Variants in PIRT observed in about 807,000 individuals in gnomAD.
PIRT encodes the protein phosphoinositide interacting regulator of transient receptor potential channels.
Under a neutral mutation model 7.9 loss-of-function variants are expected in PIRT, and 6 were observed. That is an observed-to-expected ratio of 0.76 (90% confidence interval 0.42 to 1.51). The LOEUF (loss-of-function observed/expected upper bound fraction) is 1.51. Among genes scored for constraint, PIRT ranks in the 40% most tolerant of loss-of-function variants. The pLI, the probability that PIRT is intolerant of heterozygous loss-of-function variation, is 0.01. For synonymous variants in PIRT, 78 were observed against 71.8 expected (o/e 1.09, Z -0.44); for missense variants, 170 against 172.9 (o/e 0.98, Z 0.09).
At chr17:10,826,178 G>A (rs1342474591) in intron 1 of PIRT, among the ~76,000 whole-genome samples, 2 of 152,134 alleles carry the variant, frequency 1.3e-5, no homozygotes, top group African/African-American at 4.8e-5. Flanking sequence ...TGGCCAGGCT[G>A]GTCTCGAACT....
rs559169184 is a variant in PIRT at position 10,828,339 on chromosome 17, A to G, written c.-138-2556T>C. ...GCTTCTGCTCTTTCTGCCTCTTCAG[A>G]TGAAGAAGGAGACCTTGGCCTCTGG... is the stretch of plus-strand genomic sequence containing the variant. On this transcript the variant is annotated intron_variant, in intron 1 of 1. Transcript: ENST00000580256. Among the ~76,000 whole-genome samples the G allele has an allele frequency of 1.1e-4, 17 of 152,208 alleles. No homozygotes were observed. The East Asian group carries it at 2.7e-3, about 24-fold the overall frequency.
rs35507812 is a variant in PIRT, at chr17:10,834,684, C to T, written c.-139+3261G>A. On this transcript the variant is annotated intron_variant, in intron 1 of 1. Transcript: ENST00000580256. ...TCAGCTCACAGCAACCTCTGCCTCC[C>T]GGGTTCACGCCATTCTCCTGCCTCA... Among the ~76,000 whole-genome samples the T allele has an allele frequency of 6.4e-3, 977 of 152,202 alleles. 16 individuals are homozygous for T. The highest frequency in any genetic ancestry group is 0.023 in the African/African-American group (956 of 41,538).
At chr17:10,828,764 A>G (rs1905393027) in intron 1 of PIRT, among the ~76,000 whole-genome samples, 1 of 152,312 alleles carries the variant, frequency 6.6e-6, no homozygotes. Context: ...CTCAGGCCTG[A>G]ACTTTTCTGA....
Position 10,835,136 on chromosome 17 carries a change from G to A in PIRT, c.-139+2809C>T, listed in dbSNP as rs371422139. 5.9e-5 allele frequency among the ~76,000 whole-genome samples: 9 copies of A among 152,276 alleles called. No homozygotes were observed. In the East Asian group the frequency reaches 7.7e-4, roughly 13 times the overall value. ...TTTGGCCTAAGTGACCGCTCACCTC[G>A]CCAAGGCAGGCTTCCTTCTGCTGGC... On this transcript the variant is annotated intron_variant, in intron 1 of 1. Transcript: ENST00000580256.
chr17:10,835,575 G>C (rs1905568363), intron 1 of PIRT, among the ~76,000 whole-genome samples: 1 of 152,244 alleles, frequency 6.6e-6, no homozygotes, highest in Non-Finnish European at 1.5e-5. Flanking sequence ...AGCAAGTGGG[G>C]AGGATGCCCA....
rs1905274878 is a variant in PIRT at position 10,824,859 on chromosome 17, T to C, written c.*373A>G. On this transcript the variant is annotated 3_prime_UTR_variant, in exon 2 of 2. Coordinates refer to ENST00000580256, the MANE Select transcript of PIRT (RefSeq NM_001101387.2). Reference sequence around the variant, plus strand: ...CAAATGAAGAATCCAGCTCTGGCACTCAGATATGTAAACATGAGGTTCTCC... The same window carrying C: ...CAAATGAAGAATCCAGCTCTGGCACCCAGATATGTAAACATGAGGTTCTCC... The C allele has an allele frequency of 4.7e-6, 1 of 213,378 alleles. No homozygotes were observed. Among genetic ancestry groups the C allele is most frequent in the Non-Finnish European group, 9.4e-6 (1 of 106,540 alleles). The allele number at this position is 213,378 out of a possible 1,614,324, so 13.2% of individuals were successfully genotyped here.
At chr17:10,835,739 A>C (rs1431022603) in intron 1 of PIRT, among the ~76,000 whole-genome samples, 2 of 152,208 alleles carry the variant, frequency 1.3e-5, no homozygotes, top group Non-Finnish European at 2.9e-5. Context: ...CCTTAAAGTC[A>C]CCACTGTCAC....
chr17:10,825,948 A>G (rs915474381), intron 1 of PIRT, among the ~76,000 whole-genome samples, 165 bp from the exon 2 acceptor site: 4 of 152,020 alleles, frequency 2.6e-5, no homozygotes, highest in African/African-American at 9.7e-5. Context: ...CAAACAAGTT[A>G]TAGTTTTTTG....
rs762789897 is a variant in PIRT, at chr17:10,825,403, C to T, written c.243G>A (p.Leu81=). The change falls in exon 2 of 2, where the codon CTG becomes CTA. Residue 81 remains leucine, a synonymous_variant. Transcript: ENST00000580256. The stretch of plus-strand genomic sequence containing the variant: ...TGAGGATGGAGAGACTCTTGTCACT[C>T]AGCTTCAAGGTGTAGGCCAAGCAGG... The part of the protein sequence containing the change: ...VITCLAYTLK[L]SDKSLSILKM... 1.1e-5 allele frequency: 17 copies of T among 1,613,882 alleles called. No individual in the cohort carries two copies. The highest frequency in any genetic ancestry group is 3.3e-5 in the South Asian group (3 of 91,084).
At chr17:10,831,299 G>A (rs1410838456) in intron 1 of PIRT, among the ~76,000 whole-genome samples, 1 of 152,094 alleles carries the variant, frequency 6.6e-6, no homozygotes, top group Non-Finnish European at 1.5e-5. Context: ...TTGAATTGTG[G>A]CCCCCAAAAG....
chr17:10,825,648 T>C lies in PIRT; in HGVS notation c.-3A>G. Reference sequence around the variant, plus strand: ...TTGGGGAGAGTCTCCATCGTCATGGTTGCTCAGGACTGGGCGCCTAGGACC... The same window carrying C: ...TTGGGGAGAGTCTCCATCGTCATGGCTGCTCAGGACTGGGCGCCTAGGACC... On this transcript the variant is annotated 5_prime_UTR_variant, in exon 2 of 2. Coordinates refer to ENST00000580256, the MANE Select transcript of PIRT (RefSeq NM_001101387.2). 6.8e-7 allele frequency: 1 copy of C among 1,473,314 alleles called. No homozygotes were observed. The allele number at this position is 1,473,314 out of a possible 1,614,324, so 91.3% of individuals were successfully genotyped here. A position where few individuals can be genotyped will look rare whatever the true frequency, so the allele number is the denominator to read the frequency against.
In PIRT at chr17:10,831,171, C is replaced by T. The variant is rs879432001; in HGVS notation, c.-138-5388G>A. Among the ~76,000 whole-genome samples the T allele has an allele frequency of 6.6e-5, 10 of 152,214 alleles. No individual in the cohort carries two copies. In the South Asian group the frequency reaches 8.3e-4, roughly 13 times the overall value. On this transcript the variant is annotated intron_variant, in intron 1 of 1. Coordinates refer to ENST00000580256, the MANE Select transcript of PIRT (RefSeq NM_001101387.2). Reference sequence around the variant, plus strand: ...TGTGGCCCAGATGCTGCAGCTCTGTCGGGGACAAGGTAACACTCAGGGGGC... The same window carrying T: ...TGTGGCCCAGATGCTGCAGCTCTGTTGGGGACAAGGTAACACTCAGGGGGC...
rs1470338191 is a variant in PIRT, at chr17:10,825,064, T to C, written c.*168A>G. ...ATCAAGTGGATACATCTGGCAACAT[T>C]CCCGGCTGCATGGAGGGTGGAGCCC... On this transcript the variant is annotated 3_prime_UTR_variant, in exon 2 of 2. Coordinates refer to ENST00000580256, the MANE Select transcript of PIRT (RefSeq NM_001101387.2). 8.2e-6 allele frequency: 7 copies of C among 858,050 alleles called. No individual in the cohort carries two copies. The Admixed American group carries it at 1.4e-4, about 18-fold the overall frequency. 53.2% of individuals were successfully genotyped at this position (858,050 alleles called of 1,614,324 possible). A position where few individuals can be genotyped will look rare whatever the true frequency, so the allele number is the denominator to read the frequency against.
chr17:10,831,821 T>C (rs1905469633), intron 1 of PIRT, among the ~76,000 whole-genome samples: 5 of 152,146 alleles, frequency 3.3e-5, no homozygotes, highest in African/African-American at 1.2e-4. Flanking sequence ...AGCCTGGAGT[T>C]GCAGGGCCTC....
chr17:10,822,566 G>T lies in PIRT; in HGVS notation c.*2666C>A, dbSNP rs11078866. ...AACAGAATAGCCATGGGGAGCATGAGACAATCTAGTGAGCCTAAAACACGG... is the reference window on the plus strand; with the variant it reads ...AACAGAATAGCCATGGGGAGCATGATACAATCTAGTGAGCCTAAAACACGG... On this transcript the variant is annotated 3_prime_UTR_variant, in exon 2 of 2. Coordinates refer to ENST00000580256, the MANE Select transcript of PIRT (RefSeq NM_001101387.2). 0.26 allele frequency: 39,062 copies of T among 152,074 alleles called. 5,489 individuals carry two copies. The highest frequency in any genetic ancestry group is 0.38 in the African/African-American group (15,827 of 41,458). The allele number at this position is 152,074 out of a possible 1,614,324, so 9.4% of individuals were successfully genotyped here. A position where few individuals can be genotyped will look rare whatever the true frequency, so the allele number is the denominator to read the frequency against.
chr17:10,835,490 G>T (rs768963864), intron 1 of PIRT, among the ~76,000 whole-genome samples: 3 of 152,216 alleles, frequency 2.0e-5, no homozygotes, highest in Non-Finnish European at 2.9e-5. Flanking sequence ...AGCCAGCCTG[G>T]CCCAGACTCT....
rs2151534888 is a variant in PIRT at position 10,830,487 on chromosome 17, T to C, written c.-138-4704A>G. 1.3e-5 allele frequency among the ~76,000 whole-genome samples: 2 copies of C among 152,290 alleles called. 1 individual carries two copies. On this transcript the variant is annotated intron_variant, in intron 1 of 1. Coordinates refer to ENST00000580256, the MANE Select transcript of PIRT (RefSeq NM_001101387.2). ...CGAGCCCCATATAAAACAGGGATAA[T>C]GGAGTGTCTACCTCATAGGGTTGCG... is the stretch of plus-strand genomic sequence containing the variant.
At position 10,825,286 on chromosome 17, in the gene PIRT, G is replaced by C; in HGVS notation, c.360C>G (p.His120Gln). 6.2e-7 allele frequency: 1 copy of C among 1,614,006 alleles called. No homozygotes were observed. Among genetic ancestry groups the C allele is most frequent in the Non-Finnish European group, 8.5e-7 (1 of 1,179,890 alleles). ...WVPIIKKKQK[H>Q]RQKSNFLRSL... ...TGCGTAAGAAATTCGACTTCTGTCTGTGCTTCTGTTTCTTTTTGATGATGG... is the reference window on the plus strand; with the variant it reads ...TGCGTAAGAAATTCGACTTCTGTCTCTGCTTCTGTTTCTTTTTGATGATGG... Residue 120 changes from histidine (H) to glutamine (Q), a missense_variant, in exon 2 of 2, where the codon CAC becomes CAG. Coordinates refer to ENST00000580256, the MANE Select transcript of PIRT (RefSeq NM_001101387.2).
intron 1 of PIRT, among the ~76,000 whole-genome samples, chr17:10,828,534 TG>T (rs1471423353): frequency 6.6e-6 from 1 of 152,108 alleles, no homozygotes; most frequent in African/African-American, 2.4e-5. Context: ...AAAATTGTAT[TG>T]GGGAAGGTGG....
Sources: allele counts gnomAD v4.1 joint callset (sites outside exome capture counted in the v4.1 genomes callset), GRCh38; gene constraint gnomAD v4.1.1; transcripts MANE v1.5; gene names NCBI Gene and HGNC (gene_info 2026-07-23, HGNC 2026-07-21).